FHIT: variants seen among roughly 807,000 people sequenced by gnomAD.
The protein encoded by FHIT is fragile histidine triad diadenosine triphosphatase.
Under a neutral mutation model 17.9 loss-of-function variants are expected in FHIT, and 19 were observed. The ratio of observed to expected loss-of-function variants is 1.06; its 90% confidence interval spans 0.74 to 1.56. FHIT has a LOEUF of 1.56. Ranked by LOEUF, FHIT falls within the 40% of genes most tolerant of loss-of-function variation. FHIT has a pLI of 0.00. For synonymous variants in FHIT, 81 were observed against 69.7 expected, an observed-to-expected ratio of 1.16 and a Z score of -0.81; for missense variants, 248 against 189.2, an observed-to-expected ratio of 1.31 and a Z score of -1.82.
intron 4 of FHIT, among the ~76,000 whole-genome samples, chr3:60,697,889 G>C (rs2041150564): frequency 6.6e-6 from 1 of 152,104 alleles, no homozygotes; most frequent in Non-Finnish European, 1.5e-5. Context: ...AAATTAATTT[G>C]CTTCTTTTTT....
chr3:59,851,250 T>G (rs1350323313), intron 8 of FHIT, among the ~76,000 whole-genome samples: 5 of 152,210 alleles, frequency 3.3e-5, no homozygotes, highest in Non-Finnish European at 7.3e-5. Context: ...CATTAATTAT[T>G]AACTAACTAG....
rs553986141 is a variant in FHIT at position 60,597,870 on chromosome 3, T to G, written c.-17-60891A>C. Among the ~76,000 whole-genome samples, 7 of 152,270 alleles carry G rather than the reference T, an allele frequency of 4.6e-5. No homozygotes were observed. In the East Asian group the frequency reaches 7.7e-4, roughly 17 times the overall value. ...CAGCTGAGAGATATTGAGCCAGGAC[T>G]CTCTGTCTAGTAAGTTAGAGGAAGA... is the stretch of plus-strand genomic sequence containing the variant. On this transcript the variant is annotated intron_variant, in intron 4 of 9. Transcript: ENST00000492590.
At chr3:60,214,366 G>C (rs538832544) in intron 5 of FHIT, among the ~76,000 whole-genome samples, 1 of 151,940 alleles carries the variant, frequency 6.6e-6, no homozygotes, top group African/African-American at 2.4e-5. Context: ...ATTTTACAAA[G>C]GAAAGCTTTT....
At chr3:60,474,715 C>T (rs1328792946) in intron 5 of FHIT, among the ~76,000 whole-genome samples, 1 of 151,934 alleles carries the variant, frequency 6.6e-6, no homozygotes, top group Admixed American at 6.6e-5. Flanking sequence ...CCTCTGCCTC[C>T]CGGGTTCAAG....
chr3:60,060,228 T>C (rs1362944678), intron 5 of FHIT, among the ~76,000 whole-genome samples: 3 of 152,100 alleles, frequency 2.0e-5, no homozygotes, highest in Non-Finnish European at 4.4e-5. Context: ...ATCCTCATGT[T>C]ACACACTCAA....
rs530747302 is a variant in FHIT, at chr3:61,100,997, C to T, written c.-163-58898G>A. Among the ~76,000 whole-genome samples, 6 of 152,316 alleles carry T rather than the reference C, an allele frequency of 3.9e-5. No homozygotes were observed. In the East Asian group the frequency reaches 1.2e-3, roughly 29 times the overall value. On this transcript the variant is annotated intron_variant, in intron 2 of 9. Transcript: ENST00000492590. ...TGAATAGATTGCAAAAAATTTCCCCCATTCTACAGGTTGCTGGTTTACTCT... is the reference window on the plus strand; with the variant it reads ...TGAATAGATTGCAAAAAATTTCCCCTATTCTACAGGTTGCTGGTTTACTCT...
At chr3:60,016,838 A>G (rs1700362907) in intron 5 of FHIT, among the ~76,000 whole-genome samples, 1 of 152,144 alleles carries the variant, frequency 6.6e-6, no homozygotes, top group Non-Finnish European at 1.5e-5. Context: ...AAAGTTGTTA[A>G]GCGTTCCTCC....
At chr3:60,642,469 C>G (rs1054644269) in intron 4 of FHIT, among the ~76,000 whole-genome samples, 1 of 151,816 alleles carries the variant, frequency 6.6e-6, no homozygotes, top group Non-Finnish European at 1.5e-5. Flanking sequence ...ATAACAGATT[C>G]TTTACCCACA....
chr3:60,612,959 T>C (rs1208304628), intron 4 of FHIT, among the ~76,000 whole-genome samples: 1 of 137,254 alleles, frequency 7.3e-6, no homozygotes, highest in Non-Finnish European at 1.6e-5. Context: ...CCTGGCTTTA[T>C]GACTTTGACT....
intron 4 of FHIT, among the ~76,000 whole-genome samples, chr3:60,774,262 T>A (rs1700142523): frequency 6.6e-6 from 1 of 152,172 alleles, no homozygotes; most frequent in African/African-American, 2.4e-5. Context: ...CTATACATAC[T>A]GTTTTTTCCC....
chr3:59,891,127 C>A (rs971133797), intron 8 of FHIT, among the ~76,000 whole-genome samples: 2 of 152,224 alleles, frequency 1.3e-5, no homozygotes, highest in African/African-American at 4.8e-5. Flanking sequence ...CAAGGACTTA[C>A]ACACTTTCCT....
intron 5 of FHIT, among the ~76,000 whole-genome samples, chr3:60,154,668 G>C (rs1315614339): frequency 1.3e-5 from 2 of 152,008 alleles, no homozygotes; most frequent in African/African-American, 2.4e-5. Flanking sequence ...TAGTGAAATG[G>C]GTCCAATGAC....
chr3:60,403,719 C>G (rs1421334803), intron 5 of FHIT, among the ~76,000 whole-genome samples: 4 of 152,100 alleles, frequency 2.6e-5, no homozygotes, highest in African/African-American at 9.7e-5. Flanking sequence ...CTCAGTCTAC[C>G]AGGATTAGAT....
intron 5 of FHIT, among the ~76,000 whole-genome samples, chr3:60,156,600 A>T (rs1443261955): frequency 1.3e-5 from 2 of 149,800 alleles, no homozygotes; most frequent in African/African-American, 2.4e-5. Context: ...ATTTTTTTTT[A>T]AATTAGCCGG....
intron 5 of FHIT, among the ~76,000 whole-genome samples, chr3:60,466,369 C>A (rs562172249): frequency 1.3e-5 from 2 of 152,096 alleles, no homozygotes; most frequent in African/African-American, 4.8e-5. Flanking sequence ...CCCTTTATAT[C>A]TTTCTCTTGT....
At chr3:60,530,990 G>A (rs961819526) in intron 5 of FHIT, among the ~76,000 whole-genome samples, 1 of 152,186 alleles carries the variant, frequency 6.6e-6, no homozygotes, top group Admixed American at 6.5e-5. Context: ...AACAGTCACT[G>A]CTAAATGCAT....
chr3:60,379,259 A>C (rs1489004741), intron 5 of FHIT, among the ~76,000 whole-genome samples: 1 of 152,136 alleles, frequency 6.6e-6, no homozygotes, highest in Non-Finnish European at 1.5e-5. Context: ...CTTCCATCCA[A>C]AAAGAGAAGC....
rs1707894492 is a variant in FHIT, at chr3:59,965,705, T to C, written c.280-43291A>G. 2.0e-5 allele frequency among the ~76,000 whole-genome samples: 3 copies of C among 152,182 alleles called. No homozygotes were observed. In the South Asian group the frequency reaches 6.2e-4, roughly 31 times the overall value. On this transcript the variant is annotated intron_variant, in intron 7 of 9. Coordinates refer to ENST00000492590, the MANE Select transcript of FHIT (RefSeq NM_002012.4). ...CTTGAAATGAACTTTTTAAAGAGAA[T>C]TAATTAAGCCCAATTTCTAGCCTAC...
chr3:59,830,727 C>T (rs974213038), intron 8 of FHIT, among the ~76,000 whole-genome samples: 6 of 152,184 alleles, frequency 3.9e-5, no homozygotes, highest in African/African-American at 1.4e-4. Flanking sequence ...CAGCCAGCCA[C>T]CTAGCAGACC....
Sources: allele counts gnomAD v4.1 joint callset (sites outside exome capture counted in the v4.1 genomes callset), GRCh38; gene constraint gnomAD v4.1.1; transcripts MANE v1.5; gene names NCBI Gene and HGNC (gene_info 2026-07-23, HGNC 2026-07-21).